Variants in CRTC3 observed in about 807,000 individuals in gnomAD.
The protein encoded by CRTC3 is CREB regulated transcription coactivator 3.
CRTC3 carries 26 observed loss-of-function variants against 74.5 expected under a neutral mutation model. The observed-to-expected ratio is 0.35, with a 90% CI of 0.26 to 0.48. The LOEUF (loss-of-function observed/expected upper bound fraction) is 0.48. Among genes scored for constraint, CRTC3 ranks in the 20% least tolerant of loss-of-function variants. The pLI is 0.99. For missense variants in CRTC3, 760 were observed against 787.3 expected, an observed-to-expected ratio of 0.97 and a Z score of 0.41; for synonymous variants, 377 against 325.8, an observed-to-expected ratio of 1.16 and a Z score of -1.69.
chr15:90,545,559 C>T (rs528627195), intron 2 of CRTC3, among the ~76,000 whole-genome samples: 2 of 150,930 alleles, frequency 1.3e-5, no homozygotes, highest in East Asian at 3.9e-4. Context: ...CCCACCACAC[C>T]TGGCTAATTT....
At chr15:90,540,991 T>G (rs549080005) in intron 2 of CRTC3, among the ~76,000 whole-genome samples, 2 of 152,196 alleles carry the variant, frequency 1.3e-5, no homozygotes, top group African/African-American at 4.8e-5. Context: ...CATGGCTCAG[T>G]GCAGGTGTAA....
chr15:90,556,929 G>A (rs1245128573), intron 2 of CRTC3, among the ~76,000 whole-genome samples: 1 of 140,392 alleles, frequency 7.1e-6, no homozygotes, highest in East Asian at 2.1e-4. Flanking sequence ...CCAACCATTG[G>A]AATTATTCTC....
Position 90,643,594 on chromosome 15 carries a change from G to A in CRTC3, c.*1454G>A, listed in dbSNP as rs555896645. 4 of 230,454 alleles carry A rather than the reference G, an allele frequency of 1.7e-5. No homozygotes were observed. In the East Asian group the frequency reaches 2.4e-4, roughly 14 times the overall value. 14.3% of individuals were successfully genotyped at this position (230,454 alleles called of 1,614,324 possible). ...AAAAAATAGTTTATAGTAAAACGAA[G>A]GCCTAATTCATGGAAGCATCATTAG... On this transcript the variant is annotated 3_prime_UTR_variant, in exon 15 of 15. Coordinates refer to ENST00000268184, the MANE Select transcript of CRTC3 (RefSeq NM_022769.5).
chr15:90,570,779 G>T (rs1967244875), intron 2 of CRTC3, among the ~76,000 whole-genome samples: 1 of 152,198 alleles, frequency 6.6e-6, no homozygotes, highest in Non-Finnish European at 1.5e-5. Flanking sequence ...GGTTTGTGAT[G>T]AGAGAGGATC....
intron 2 of CRTC3, among the ~76,000 whole-genome samples, chr15:90,589,766 C>G (rs1463831662): frequency 6.6e-6 from 1 of 152,138 alleles, no homozygotes; most frequent in Non-Finnish European, 1.5e-5. Flanking sequence ...GCATGTGGAT[C>G]ACTTGAGGTC....
At chr15:90,538,957 G>A (rs1275217328) in intron 1 of CRTC3, among the ~76,000 whole-genome samples, 2 of 152,200 alleles carry the variant, frequency 1.3e-5, no homozygotes, top group Non-Finnish European at 2.9e-5. Flanking sequence ...AACAGCAGGA[G>A]AGTACAGTCT....
intron 6 of CRTC3, among the ~76,000 whole-genome samples, chr15:90,610,672 C>T (rs1160285509): frequency 1.3e-5 from 2 of 152,006 alleles, no homozygotes; most frequent in East Asian, 3.9e-4. Context: ...TGGCCATTTC[C>T]CTGGCAGCAT....
chr15:90,629,554 A>C, intron 11 of CRTC3, 22 bp downstream of exon 11: 1 of 1,610,882 alleles, frequency 6.2e-7, no homozygotes, highest in Non-Finnish European at 8.5e-7. Flanking sequence ...CAGACAGACC[A>C]ACCACTACAG....
At position 90,642,926 on chromosome 15, in the gene CRTC3, T is replaced by C. The variant is rs1969501422; in HGVS notation, c.*786T>C. 1 of 233,144 alleles carries C rather than the reference T, an allele frequency of 4.3e-6. No individual in the cohort carries two copies. Among genetic ancestry groups the C allele is most frequent in the African/African-American group, 2.2e-5 (1 of 45,388 alleles). 14.4% of individuals were successfully genotyped at this position (233,144 alleles called of 1,614,324 possible). A position where few individuals can be genotyped will look rare whatever the true frequency, so the allele number is the denominator to read the frequency against. On this transcript the variant is annotated 3_prime_UTR_variant, in exon 15 of 15. Transcript: ENST00000268184. Reference sequence around the variant, plus strand: ...AAGGAAGACAGGGACTGCAGGTGTCTCATACTCAGTGGCCTCCAGACAAAC... The same window carrying C: ...AAGGAAGACAGGGACTGCAGGTGTCCCATACTCAGTGGCCTCCAGACAAAC...
chr15:90,601,366 A>AC (rs1232826341), intron 3 of CRTC3, among the ~76,000 whole-genome samples: 1 of 151,926 alleles, frequency 6.6e-6, no homozygotes, highest in African/African-American at 2.4e-5. Context: ...AATACCAGGA[A>AC]CCGCCGGGCG....
intron 2 of CRTC3, among the ~76,000 whole-genome samples, chr15:90,562,354 A>G (rs759804932): frequency 3.9e-5 from 6 of 152,116 alleles, no homozygotes; most frequent in Non-Finnish European, 7.4e-5. Context: ...CATTTTACTG[A>G]TGCTTAAACA....
chr15:90,635,127 A>G (rs546199755), intron 11 of CRTC3: 1 of 573,346 alleles, frequency 1.7e-6, no homozygotes, highest in Admixed American at 2.6e-5. Flanking sequence ...CATATTTCTT[A>G]TAATAAACTA....
At chr15:90,606,763 G>C (rs1333589290) in intron 5 of CRTC3, 1 of 152,150 alleles carries the variant, frequency 6.6e-6, no homozygotes, top group Non-Finnish European at 1.5e-5. Context: ...ATTGAAAATA[G>C]TGACAATGTT....
At chr15:90,563,665 A>T (rs1967061324) in intron 2 of CRTC3, among the ~76,000 whole-genome samples, 1 of 152,138 alleles carries the variant, frequency 6.6e-6, no homozygotes, top group South Asian at 2.1e-4. Context: ...AGCACTTTTC[A>T]TGCAACACTC....
chr15:90,617,679 G>A (rs1014704840), intron 7 of CRTC3, among the ~76,000 whole-genome samples: 12 of 152,066 alleles, frequency 7.9e-5, no homozygotes, highest in African/African-American at 2.9e-4. Flanking sequence ...ACAGGTGTGA[G>A]CCGCCACACC....
chr15:90,597,217 G>T (rs1457668568), intron 3 of CRTC3, among the ~76,000 whole-genome samples: 2 of 152,280 alleles, frequency 1.3e-5, no homozygotes, highest in East Asian at 3.8e-4. Flanking sequence ...TTCTGCAGAT[G>T]TGCAGTCTGT....
chr15:90,608,640 C>CT (rs1968288174), intron 6 of CRTC3, among the ~76,000 whole-genome samples: 2 of 152,226 alleles, frequency 1.3e-5, no homozygotes, highest in African/African-American at 4.8e-5. Context: ...ACATGCATCT[C>CT]TTTCTCTGCT....
At chr15:90,602,560 GT>G (rs1567180059) in intron 4 of CRTC3, among the ~76,000 whole-genome samples, 175 bp downstream of exon 4, 1 of 152,192 alleles carries the variant, frequency 6.6e-6, no homozygotes, top group Non-Finnish European at 1.5e-5. Flanking sequence ...TTTTGAGGCT[GT>G]TGTGTGCGAT....
chr15:90,562,780 T>G (rs992582176), intron 2 of CRTC3, among the ~76,000 whole-genome samples: 1 of 151,734 alleles, frequency 6.6e-6, no homozygotes, highest in Non-Finnish European at 1.5e-5. Flanking sequence ...AAGGCCAGAG[T>G]TGGGAGGCAA....
Sources: allele counts gnomAD v4.1 joint callset (sites outside exome capture counted in the v4.1 genomes callset), GRCh38; gene constraint gnomAD v4.1.1; transcripts MANE v1.5; gene names NCBI Gene and HGNC (gene_info 2026-07-23, HGNC 2026-07-21).